PCDHGA2: variants seen among roughly 807,000 people sequenced by gnomAD.
PCDHGA2 encodes the protein protocadherin gamma subfamily A, 2.
Under a neutral mutation model 59.2 loss-of-function variants are expected in PCDHGA2, and 40 were observed. That is an observed-to-expected ratio of 0.68 (90% CI 0.52 to 0.88). PCDHGA2 has a LOEUF of 0.88. Among genes scored for constraint, PCDHGA2 ranks in the 40% least tolerant of loss-of-function variants. The pLI is 0.00. For missense variants in PCDHGA2, 1,226 were observed against 1,204.0 expected (o/e 1.02, Z -0.27); for synonymous variants, 560 against 526.0 (o/e 1.06, Z -0.89).
At position 141,371,994 on chromosome 5, in the gene PCDHGA2, G is replaced by T. The variant is rs769252405; in HGVS notation, c.2424+30599G>T. The T allele has an allele frequency of 1.2e-6, 2 of 1,613,246 alleles. No individual in the cohort carries two copies. Among genetic ancestry groups the T allele is most frequent in the Non-Finnish European group, 1.7e-6 (2 of 1,179,762 alleles). Reference sequence around the variant, plus strand: ...GCGTGCCTTCGAGCTCACTCTGCAGGCCCGCGACCAGGGCTCGCCTACGCT... The same window carrying T: ...GCGTGCCTTCGAGCTCACTCTGCAGTCCCGCGACCAGGGCTCGCCTACGCT... On this transcript the variant is annotated intron_variant, in intron 1 of 3. Coordinates refer to ENST00000394576, the MANE Select transcript of PCDHGA2 (RefSeq NM_018915.4).
rs764658508 is a variant in PCDHGA2 at position 141,431,546 on chromosome 5, G to A, written c.2425-63261G>A. 1.2e-6 allele frequency: 2 copies of A among 1,614,000 alleles called. No homozygotes were observed. Among genetic ancestry groups the A allele is most frequent in the Admixed American group, 3.3e-5 (2 of 60,012 alleles). On this transcript the variant is annotated intron_variant, in intron 1 of 3. Coordinates refer to ENST00000394576, the MANE Select transcript of PCDHGA2 (RefSeq NM_018915.4). This position sits in a 1 kb window ranked among gnomAD's most constrained non-coding sequence, Gnocchi z 4.8. The stretch of plus-strand genomic sequence containing the variant: ...TCTGGCCTTGGGCACGCAGCTGCTT[G>A]TAGTCAACGCTACCGACCCTGACGA...
chr5:141,458,386 G>T (rs1037969327), intron 1 of PCDHGA2, among the ~76,000 whole-genome samples: 2 of 152,070 alleles, frequency 1.3e-5, no homozygotes, highest in African/African-American at 2.4e-5. Flanking sequence ...GAAGGAAGAC[G>T]CTCCCCCTTG....
intron 1 of PCDHGA2, chr5:141,365,029 C>T (rs1361601199): frequency 6.8e-6 from 11 of 1,613,864 alleles, no homozygotes; most frequent in Non-Finnish European, 9.3e-6. Context: ...TTACGGTCCT[C>T]GACGCAAACG....
At chr5:141,502,274 A>G (rs573517581) in intron 2 of PCDHGA2, among the ~76,000 whole-genome samples, 18 of 152,128 alleles carry the variant, frequency 1.2e-4, no homozygotes, top group African/African-American at 4.1e-4. Context: ...ATCAAGGAGC[A>G]TAGATTGCAT....
chr5:141,446,532 A>G (rs1443843436), intron 1 of PCDHGA2, among the ~76,000 whole-genome samples: 1 of 151,788 alleles, frequency 6.6e-6, no homozygotes, highest in Non-Finnish European at 1.5e-5. Flanking sequence ...GCTGGAGTGC[A>G]GTGGCCCTAT....
intron 1 of PCDHGA2, chr5:141,371,014 A>G (rs765278378): frequency 8.7e-6 from 14 of 1,613,890 alleles, no homozygotes; most frequent in South Asian, 1.1e-5. Flanking sequence ...GAGCAGCCAC[A>G]TCACCACCTG....
intron 2 of PCDHGA2, among the ~76,000 whole-genome samples, chr5:141,497,158 T>A (rs2099774560): frequency 6.6e-6 from 1 of 151,860 alleles, no homozygotes; most frequent in African/African-American, 2.4e-5. Flanking sequence ...AAAAATAATC[T>A]AGCCACAAAT....
At chr5:141,385,253 G>A (rs1234375073) in intron 1 of PCDHGA2, 1 of 1,613,650 alleles carries the variant, frequency 6.2e-7, no homozygotes, top group Non-Finnish European at 8.5e-7. Flanking sequence ...CAGGAGAGCT[G>A]TGAGAAAAAT....
In PCDHGA2 at chr5:141,360,972, C is replaced by T. The variant is rs746958816; in HGVS notation, c.2424+19577C>T. On this transcript the variant is annotated intron_variant, in intron 1 of 3. Coordinates refer to ENST00000394576, the MANE Select transcript of PCDHGA2 (RefSeq NM_018915.4). The stretch of plus-strand genomic sequence containing the variant: ...AAGGCATAAACGCAGAGATCACCTA[C>T]TCCTTTCATAATGTGGACGAACAAG... 1.1e-5 allele frequency: 18 copies of T among 1,613,750 alleles called. No individual in the cohort carries two copies. In the East Asian group the frequency reaches 3.1e-4, roughly 28 times the overall value.
rs1391608601 is a variant in PCDHGA2 at position 141,511,893 on chromosome 5, A to G, written c.*720A>G. The G allele has an allele frequency of 6.4e-6, 1 of 155,062 alleles. No homozygotes were observed. Among genetic ancestry groups the G allele is most frequent in the East Asian group, 1.9e-4 (1 of 5,240 alleles). 9.6% of individuals were successfully genotyped at this position (155,062 alleles called of 1,614,324 possible). A position where few individuals can be genotyped will look rare whatever the true frequency, so the allele number is the denominator to read the frequency against. On this transcript the variant is annotated 3_prime_UTR_variant, in exon 4 of 4. Transcript: ENST00000394576. ...TCCACTGCATGCCTTGACTTCCCCC[A>G]CCTCCTCCTCAAACAAGAGACTCCA...
At position 141,421,041 on chromosome 5, in the gene PCDHGA2, C is replaced by T. The variant is rs963777669; in HGVS notation, c.2425-73766C>T. The T allele has an allele frequency of 1.8e-5, 10 of 546,514 alleles. No individual in the cohort carries two copies. The African/African-American group carries it at 1.9e-4, about 11-fold the overall frequency. 33.9% of individuals were successfully genotyped at this position (546,514 alleles called of 1,614,324 possible). A position where few individuals can be genotyped will look rare whatever the true frequency, so the allele number is the denominator to read the frequency against. ...CTGCGCGCCATTGAGTCCCTCCCTC[C>T]CCCGCCTCTACCACACAAAGCGGAA... On this transcript the variant is annotated intron_variant, in intron 1 of 3. Coordinates refer to ENST00000394576, the MANE Select transcript of PCDHGA2 (RefSeq NM_018915.4).
rs570083634 is a variant in PCDHGA2, at chr5:141,427,859, C to G, written c.2425-66948C>G. 25 of 1,556,390 alleles carry G rather than the reference C, an allele frequency of 1.6e-5. No homozygotes were observed. The Admixed American group carries it at 2.0e-4, about 13-fold the overall frequency. ...CCTTCGACCACGAGCAGCTGTGCGC[C>G]TTCGAGCTCACGATGCAGGCCCACG... On this transcript the variant is annotated intron_variant, in intron 1 of 3. Coordinates refer to ENST00000394576, the MANE Select transcript of PCDHGA2 (RefSeq NM_018915.4).
At chr5:141,462,523 G>GTGTT (rs2099041548) in intron 1 of PCDHGA2, among the ~76,000 whole-genome samples, 1 of 152,024 alleles carries the variant, frequency 6.6e-6, no homozygotes, top group African/African-American at 2.4e-5. Context: ...GTTAGTAAGA[G>GTGTT]TGTTGTTCAG....
intron 1 of PCDHGA2, chr5:141,422,160 A>C: frequency 6.4e-7 from 1 of 1,573,304 alleles, no homozygotes; most frequent in South Asian, 1.2e-5. Context: ...TGGATTTTGA[A>C]AAATATAGAT....
At position 141,432,646 on chromosome 5, in the gene PCDHGA2, G is replaced by A. The variant is rs780822589; in HGVS notation, c.2425-62161G>A. 9.3e-6 allele frequency: 15 copies of A among 1,613,690 alleles called. No individual in the cohort carries two copies. The highest frequency in any genetic ancestry group is 1.3e-5 in the Non-Finnish European group (15 of 1,179,944). ...TGCACACGGGCGAGGTGCGCACGGCGCGAGCCCTGCTGGACAGAGACGCGC... is the reference window on the plus strand; with the variant it reads ...TGCACACGGGCGAGGTGCGCACGGCACGAGCCCTGCTGGACAGAGACGCGC... On this transcript the variant is annotated intron_variant, in intron 1 of 3. Transcript: ENST00000394576. This position sits in a 1 kb window ranked among gnomAD's most constrained non-coding sequence, Gnocchi z 6.0.
At position 141,477,197 on chromosome 5, in the gene PCDHGA2, G is replaced by A. The variant is rs781504885; in HGVS notation, c.2425-17610G>A. ...CACAGTCACCTCCGTGTACAGCCCA[G>A]TACCCGAGGATGCCCCTCTGGGGAC... On this transcript the variant is annotated intron_variant, in intron 1 of 3. Coordinates refer to ENST00000394576, the MANE Select transcript of PCDHGA2 (RefSeq NM_018915.4). The surrounding 1 kb of genome is among the most constrained non-coding windows in gnomAD (Gnocchi z 4.9). 1 of 1,614,210 alleles carries A rather than the reference G, an allele frequency of 6.2e-7. No homozygotes were observed. Among genetic ancestry groups the A allele is most frequent in the East Asian group, 2.2e-5 (1 of 44,874 alleles).
At chr5:141,463,338 G>A (rs1005543705) in intron 1 of PCDHGA2, among the ~76,000 whole-genome samples, 2 of 150,742 alleles carry the variant, frequency 1.3e-5, no homozygotes, top group African/African-American at 2.4e-5. Flanking sequence ...CAAAACCATG[G>A]TGTTATTCTT....
At chr5:141,451,050 G>A (rs915545429) in intron 1 of PCDHGA2, among the ~76,000 whole-genome samples, 6 of 151,352 alleles carry the variant, frequency 4.0e-5, no homozygotes, top group South Asian at 4.2e-4. Flanking sequence ...GGCTGGTCTC[G>A]AACTCCTGAC....
chr5:141,375,309 C>T, intron 1 of PCDHGA2: 3 of 1,613,840 alleles, frequency 1.9e-6, no homozygotes, highest in Non-Finnish European at 2.5e-6. Context: ...ACAAATGCAG[C>T]TCTAGACCGG....
Sources: allele counts gnomAD v4.1 joint callset (sites outside exome capture counted in the v4.1 genomes callset), GRCh38; gene constraint gnomAD v4.1.1; non-coding constraint Gnocchi (gnomAD v3.1); transcripts MANE v1.5; gene names NCBI Gene and HGNC (gene_info 2026-07-23, HGNC 2026-07-21).